Variants in LCORL observed in about 807,000 individuals in gnomAD.
LCORL encodes ligand-dependent nuclear receptor corepressor-like protein.
A neutral mutation model predicts 141.8 loss-of-function variants in LCORL; 41 were observed. That is an observed-to-expected ratio of 0.29 (90% confidence interval 0.23 to 0.38). The LOEUF (loss-of-function observed/expected upper bound fraction) is 0.38, where lower values mean the gene tolerates loss of function less well. Ranked by LOEUF, LCORL falls within the 10% of genes least tolerant of loss-of-function variation. The pLI, the probability that LCORL is intolerant of heterozygous loss-of-function variation, is 1.00. For synonymous variants in LCORL, 618 were observed against 694.1 expected (o/e 0.89, Z 1.72); for missense variants, 1,759 against 2,035.0 (o/e 0.86, Z 2.61).
chr4:17,938,658 C>G (rs1332798858), intron 4 of LCORL, among the ~76,000 whole-genome samples: 1 of 152,044 alleles, frequency 6.6e-6, no homozygotes, highest in Non-Finnish European at 1.5e-5. Flanking sequence ...GGTGATCCAC[C>G]CGCCTCAGCC....
In LCORL at chr4:17,859,269, TTAGA is replaced by T. The variant is rs142346033; in HGVS notation, c.5603-13372_5603-13369del. Among the ~76,000 whole-genome samples, 374 of 152,226 alleles carry T rather than the reference TTAGA, an allele frequency of 2.5e-3. 2 individuals carry two copies. Among genetic ancestry groups the T allele is most frequent in the African/African-American group, 7.8e-3 (325 of 41,544 alleles). On this transcript the variant is annotated intron_variant, in intron 7 of 7. Coordinates refer to ENST00000635767, the Ensembl canonical transcript of LCORL. ...GGGTAGGTGAGGCTAGGCTACGATG[TTAGA>T]TAGGTTAAGTGTATTAAATGAACTT...
intron 4 of LCORL, among the ~76,000 whole-genome samples, chr4:17,949,507 T>C (rs1739396705): frequency 6.6e-6 from 1 of 152,104 alleles, no homozygotes. Flanking sequence ...AATAACCCCC[T>C]CTTCCTTAAC....
chr4:17,969,599 A>G (rs904389176), intron 2 of LCORL, among the ~76,000 whole-genome samples: 2 of 152,178 alleles, frequency 1.3e-5, no homozygotes, highest in Non-Finnish European at 2.9e-5. Flanking sequence ...ATTTAATTTC[A>G]TAACTAAAAA....
At position 18,021,811 on chromosome 4, in the gene LCORL, C is replaced by T; in HGVS notation, c.-60G>A. On this transcript the variant is annotated 5_prime_UTR_variant, in exon 1 of 8. Transcript: ENST00000635767. The surrounding 1 kb of genome is among the most constrained non-coding windows in gnomAD (Gnocchi z 5.5). The stretch of plus-strand genomic sequence containing the variant: ...GAGCAGCGCAGGCACGAGGCAGGGG[C>T]GCGAGCCCTCGGCGCGAGCCCCGGA... 1.5e-6 allele frequency: 2 copies of T among 1,309,310 alleles called. No homozygotes were observed. Among genetic ancestry groups the T allele is most frequent in the South Asian group, 1.7e-5 (1 of 58,008 alleles). 81.1% of individuals were successfully genotyped at this position (1,309,310 alleles called of 1,614,324 possible). A position where few individuals can be genotyped will look rare whatever the true frequency, so the allele number is the denominator to read the frequency against.
exon 7 of LCORL, chr4:17,877,458 T>C (rs1462800579): frequency 4.1e-6 from 5 of 1,228,920 alleles, no homozygotes; most frequent in Non-Finnish European, 4.1e-6. Context: ...ATTATTGCTG[T>C]CATTTGAGAG....
intron 4 of LCORL, chr4:17,911,615 G>T (rs1732547342): frequency 7.4e-6 from 3 of 407,926 alleles, no homozygotes; most frequent in Middle Eastern, 9.7e-4. Context: ...TTTAAAAATG[G>T]ATAACTTGGT....
At chr4:17,871,544 G>A (rs1726331092) in intron 7 of LCORL, among the ~76,000 whole-genome samples, 1 of 151,926 alleles carries the variant, frequency 6.6e-6, no homozygotes, top group African/African-American at 2.4e-5. Context: ...TGATTAAGAA[G>A]CTAAAAGGAC....
At chr4:18,010,603 C>T (rs530059073) in intron 1 of LCORL, among the ~76,000 whole-genome samples, 2 of 151,438 alleles carry the variant, frequency 1.3e-5, no homozygotes, top group Non-Finnish European at 2.9e-5. Context: ...GCACCTGCCA[C>T]CACGCCTGGC....
chr4:17,869,050 T>G (rs2109157700), intron 7 of LCORL, among the ~76,000 whole-genome samples: 1 of 151,576 alleles, frequency 6.6e-6, no homozygotes, highest in African/African-American at 2.4e-5. Flanking sequence ...CTACCTTTTT[T>G]TTTTTTTTTT....
chr4:17,897,596 A>G (rs1490830028), intron 5 of LCORL, among the ~76,000 whole-genome samples: 1 of 152,150 alleles, frequency 6.6e-6, no homozygotes, highest in Non-Finnish European at 1.5e-5. Flanking sequence ...TGTACCTCCA[A>G]TAGAGACTAC....
chr4:18,014,773 A>C (rs1724372073), intron 1 of LCORL, among the ~76,000 whole-genome samples: 2 of 152,250 alleles, frequency 1.3e-5, no homozygotes, highest in South Asian at 4.1e-4. Context: ...TTTGTTAATC[A>C]GTTTTCTATG....
intron 7 of LCORL, among the ~76,000 whole-genome samples, chr4:17,863,254 G>A (rs1403087123): frequency 6.6e-6 from 1 of 152,106 alleles, no homozygotes; most frequent in Non-Finnish European, 1.5e-5. Context: ...AGGTGGAGGT[G>A]GCAGTGAGCT....
At chr4:17,912,115 A>G in intron 4 of LCORL, 2 of 817,774 alleles carry the variant, frequency 2.4e-6, no homozygotes, top group Admixed American at 1.7e-5. Flanking sequence ...GAGGGCTCAA[A>G]TTTTCGCAAA....
chr4:18,013,721 T>C (rs1343512610), intron 1 of LCORL, among the ~76,000 whole-genome samples: 1 of 152,194 alleles, frequency 6.6e-6, no homozygotes, highest in Non-Finnish European at 1.5e-5. Context: ...TTGCACATAC[T>C]AGTCAGAAAA....
chr4:17,899,039 TTAGAG>T (rs1730445898), intron 5 of LCORL, among the ~76,000 whole-genome samples: 1 of 152,192 alleles, frequency 6.6e-6, no homozygotes, highest in Non-Finnish European at 1.5e-5. Context: ...TGAGTATGGT[TTAGAG>T]TATTTTCCTA....
In LCORL at chr4:17,908,102, G is replaced by A. The variant is rs143427582; in HGVS notation, c.682+992C>T. Among the ~76,000 whole-genome samples, 369 of 151,978 alleles carry A rather than the reference G, an allele frequency of 2.4e-3. 1 individual carries two copies. The highest frequency in any genetic ancestry group is 8.0e-3 in the African/African-American group (330 of 41,444). On this transcript the variant is annotated intron_variant, in intron 5 of 7. Transcript: ENST00000635767. ...GGCTGGAGTGCAATGGTATGATCTC[G>A]GCTCACGGCAACCTCTGCCTCCTGG...
intron 7 of LCORL, among the ~76,000 whole-genome samples, chr4:17,858,689 T>C (rs946417050): frequency 1.3e-5 from 2 of 151,684 alleles, no homozygotes; most frequent in Admixed American, 6.6e-5. Context: ...GATCGCGCCA[T>C]TGCCCTCCAG....
chr4:17,988,796 C>A (rs1285022941), intron 1 of LCORL, among the ~76,000 whole-genome samples: 2 of 152,094 alleles, frequency 1.3e-5, no homozygotes, highest in Admixed American at 6.5e-5. Flanking sequence ...ACCAGCCTGG[C>A]CCACATGGCG....
intron 7 of LCORL, among the ~76,000 whole-genome samples, chr4:17,872,075 G>C (rs1726403889): frequency 6.6e-6 from 1 of 151,446 alleles, no homozygotes; most frequent in Non-Finnish European, 1.5e-5. Flanking sequence ...AAAAAGAGTA[G>C]TAAAAATAAA....
Sources: gnomAD v4.1 joint callset for allele counts (sites outside exome capture counted in the v4.1 genomes callset) on GRCh38, gnomAD v4.1.1 for gene constraint, Gnocchi (gnomAD v3.1) non-coding constraint, MANE v1.5 for transcripts, NCBI Gene and HGNC (gene_info 2026-07-23, HGNC 2026-07-21) for gene names.